DDHD2: variants seen among roughly 807,000 people sequenced by gnomAD.
DDHD2 encodes triacylglycerol hydrolase DDHD2.
In DDHD2, 62 loss-of-function variants were observed where a neutral mutation model predicts 91.2. The ratio of observed to expected loss-of-function variants is 0.68; its 90% CI spans 0.55 to 0.84. The LOEUF is 0.84. Among genes scored for constraint, DDHD2 ranks in the 40% least tolerant of loss-of-function variants. DDHD2 has a pLI of 0.00. For missense variants in DDHD2, 740 were observed against 846.9 expected, an observed-to-expected ratio of 0.87 and a Z score of 1.57; for synonymous variants, 271 against 293.9, an observed-to-expected ratio of 0.92 and a Z score of 0.80.
At chr8:38,267,433 C>T, downstream of DDHD2, 1 of 1,600,084 alleles carries the variant, frequency 6.2e-7, no homozygotes, top group Non-Finnish European at 8.5e-7. Context: ...TCATTAACTC[C>T]AGAAATTATT....
chr8:38,265,074 C>A, downstream of DDHD2: 1 of 710,326 alleles, frequency 1.4e-6, no homozygotes, highest in Non-Finnish European at 2.5e-6. Context: ...TGAGACCAGC[C>A]TGACCAACAA....
intron 1 of DDHD2, chr8:38,268,988 A>G (rs1035157548): frequency 6.4e-7 from 1 of 1,564,416 alleles, no homozygotes; most frequent in Non-Finnish European, 8.6e-7. Context: ...CAGCTCCGTC[A>G]CCCTAGAGGG....
In DDHD2 at chr8:38,260,995, T is replaced by A. The variant is rs1319114338; in HGVS notation, c.*422T>A. 1 of 152,200 alleles carries A rather than the reference T, an allele frequency of 6.6e-6. No homozygotes were observed. The highest frequency in any genetic ancestry group is 1.5e-5 in the Non-Finnish European group (1 of 68,046). 9.4% of individuals were successfully genotyped at this position (152,200 alleles called of 1,614,324 possible). A position where few individuals can be genotyped will look rare whatever the true frequency, so the allele number is the denominator to read the frequency against. ...GAAAATGTTCTAGTTTGGAAACAGATTCTTGAGATTCAGAAGGCATTTTGG... is the reference window on the plus strand; with the variant it reads ...GAAAATGTTCTAGTTTGGAAACAGAATCTTGAGATTCAGAAGGCATTTTGG... On this transcript the variant is annotated 3_prime_UTR_variant, in exon 18 of 18. Transcript: ENST00000397166.
At chr8:38,241,033 T>C (rs1563302411) in intron 6 of DDHD2, among the ~76,000 whole-genome samples, 2 of 145,792 alleles carry the variant, frequency 1.4e-5, no homozygotes, top group Admixed American at 7.1e-5. Context: ...ATCGGGCCAC[T>C]GCACTCCAGC....
downstream of DDHD2, chr8:38,264,371 G>C: frequency 8.0e-7 from 1 of 1,248,610 alleles, no homozygotes; most frequent in Non-Finnish European, 1.1e-6. Flanking sequence ...GACCTCAGGT[G>C]ATCCACCCTC....
rs559842540 is a variant in DDHD2 at position 38,252,252 on chromosome 8, C to T, written c.1582C>T (p.Pro528Ser). Residue 528 changes from proline to serine, a missense_variant, in exon 13 of 18, where the codon CCA becomes TCA. By Grantham distance (74) the Pro-to-Ser change is moderately conservative (BLOSUM62 -1). Around this residue, in one of 2 missense-constraint regions of DDHD2, gnomAD observed 693 missense variants for 764.2 expected, o/e 0.91. Transcript: ENST00000397166. ...AAGAATTGATCCCAACTACAGATTT[C>T]CAACGTGCAAAGGTTTCTTCAATAT... ...LKRIDPNYRFPTCKGFFNIYH... is the reference protein window; with the variant it reads ...LKRIDPNYRFSTCKGFFNIYH... 1.2e-6 allele frequency: 2 copies of T among 1,614,004 alleles called. No homozygotes were observed. The highest frequency in any genetic ancestry group is 3.3e-5 in the Admixed American group (2 of 59,976).
At position 38,234,611 on chromosome 8, in the gene DDHD2, A is replaced by T. The variant is rs377264637; in HGVS notation, c.411+27A>T. Reference sequence around the variant, plus strand: ...TATTCTTTTGACTCTTTTTTTACTTATTCTTTCTTTCTCTTATTTAATAAT... The same window carrying T: ...TATTCTTTTGACTCTTTTTTTACTTTTTCTTTCTTTCTCTTATTTAATAAT... On this transcript the variant is annotated intron_variant, in intron 3 of 17. Coordinates refer to ENST00000397166, the MANE Select transcript of DDHD2 (RefSeq NM_015214.3). The T allele has an allele frequency of 6.6e-6, 10 of 1,523,296 alleles. No individual in the cohort carries two copies. The African/African-American group carries it at 1.3e-4, about 19-fold the overall frequency. The allele number at this position is 1,523,296 out of a possible 1,614,324, so 94.4% of individuals were successfully genotyped here.
rs1246158232 is a variant in DDHD2, at chr8:38,260,705, A to G, written c.*132A>G. 6.6e-6 allele frequency: 1 copy of G among 152,434 alleles called. No individual in the cohort carries two copies. Among genetic ancestry groups the G allele is most frequent in the Non-Finnish European group, 1.5e-5 (1 of 68,076 alleles). 9.4% of individuals were successfully genotyped at this position (152,434 alleles called of 1,614,324 possible). ...GCATGTTGCCTGCCACTTACTCACC[A>G]CTGGGGTCTTTGGAAGATAATCTTC... On this transcript the variant is annotated 3_prime_UTR_variant, in exon 18 of 18. Transcript: ENST00000397166.
intron 4 of DDHD2, 58 bp downstream of exon 4, chr8:38,237,685 C>G: frequency 1.1e-6 from 1 of 940,716 alleles, no homozygotes; most frequent in Non-Finnish European, 1.6e-6. Context: ...TTAGGGAGAA[C>G]TCAATTGGTT....
chr8:38,235,801 C>T (rs1052288016), intron 3 of DDHD2, among the ~76,000 whole-genome samples: 1 of 150,876 alleles, frequency 6.6e-6, no homozygotes, highest in Non-Finnish European at 1.5e-5. Context: ...AGGAGGATGA[C>T]TTGAGCCCAG....
intron 13 of DDHD2, 114 bp downstream of exon 13, chr8:38,252,401 G>A (rs1713999854): frequency 8.5e-7 from 1 of 1,182,420 alleles, no homozygotes; most frequent in Non-Finnish European, 1.2e-6. Flanking sequence ...CTAGCAATGA[G>A]ACAACTTATA....
chr8:38,263,865 A>G (rs1237808037), downstream of DDHD2: 1 of 985,260 alleles, frequency 1.0e-6, no homozygotes, highest in Non-Finnish European at 1.2e-6. Flanking sequence ...ATGTAAAAAC[A>G]CTGTAGATCT....
chr8:38,232,606 C>T (rs1019364563), intron 1 of DDHD2, among the ~76,000 whole-genome samples: 5 of 152,226 alleles, frequency 3.3e-5, no homozygotes, highest in African/African-American at 1.2e-4. Context: ...AGGGCATGAC[C>T]CAGCTGACTT....
chr8:38,268,169 A>G, intron 1 of DDHD2: 2 of 1,255,778 alleles, frequency 1.6e-6, no homozygotes, highest in Non-Finnish European at 2.1e-6. Flanking sequence ...CAAATAACCC[A>G]GTGCATTTAG....
chr8:38,240,241 T>A, intron 5 of DDHD2, 34 bp from the exon 6 acceptor site: 1 of 1,343,274 alleles, frequency 7.4e-7, no homozygotes, highest in Non-Finnish European at 1.1e-6. Context: ...TGACTAATTA[T>A]ACAGAATAAT....
At chr8:38,266,461 C>T, downstream of DDHD2, 1 of 728,632 alleles carries the variant, frequency 1.4e-6, no homozygotes, top group Non-Finnish European at 2.2e-6. Context: ...AGTGCAGTGG[C>T]ACCATCTCGG....
At chr8:38,257,238 GTTTTTTTTTTT>G (rs749469533) in intron 16 of DDHD2, among the ~76,000 whole-genome samples, 20 of 63,804 alleles carry the variant, frequency 3.1e-4, no homozygotes, top group African/African-American at 5.7e-4. Context: ...TGGCCAACAA[GTTTTTTTTTTT>G]TTTTTTTTTT....
intron 3 of DDHD2, among the ~76,000 whole-genome samples, chr8:38,235,322 C>T (rs1012041977): frequency 1.3e-5 from 2 of 152,082 alleles, no homozygotes; most frequent in Non-Finnish European, 2.9e-5. Flanking sequence ...ATCTGCTGGC[C>T]TCGGCCTCCC....
intron 16 of DDHD2, among the ~76,000 whole-genome samples, chr8:38,253,922 C>T (rs897730264): frequency 1.3e-5 from 2 of 151,848 alleles, no homozygotes; most frequent in East Asian, 3.9e-4. Flanking sequence ...TCTACAAAAA[C>T]TAAATTAGCT....
Sources: gnomAD v4.1 joint callset for allele counts (sites outside exome capture counted in the v4.1 genomes callset) on GRCh38, gnomAD v4.1.1 for gene constraint, gnomAD v4.1.1 regional missense constraint, MANE v1.5 for transcripts, NCBI Gene and HGNC (gene_info 2026-07-23, HGNC 2026-07-21) for gene names.